Variants in ABLIM1 observed in about 807,000 individuals in gnomAD.
The protein encoded by ABLIM1 is actin-binding LIM protein 1.
ABLIM1 carries 40 observed loss-of-function variants against 107.0 expected under a neutral mutation model. The observed-to-expected ratio is 0.37, with a 90% CI of 0.29 to 0.49. The LOEUF (loss-of-function observed/expected upper bound fraction) is 0.49. Among genes scored for constraint, ABLIM1 ranks in the 20% least tolerant of loss-of-function variants. ABLIM1 has a pLI of 0.97. For synonymous variants in ABLIM1, 357 were observed against 357.3 expected (o/e 1.00, Z 0.01); for missense variants, 857 against 1,008.5 (o/e 0.85, Z 2.04).
At chr10:114,564,351 G>A (rs1201168153) in intron 4 of ABLIM1, among the ~76,000 whole-genome samples, 3 of 151,892 alleles carry the variant, frequency 2.0e-5, no homozygotes, top group East Asian at 1.9e-4. Flanking sequence ...TGCAACCTCC[G>A]CCTCCCGGGT....
intron 1 of ABLIM1, among the ~76,000 whole-genome samples, chr10:114,694,222 C>T (rs1691499819): frequency 6.6e-6 from 1 of 152,196 alleles, no homozygotes; most frequent in African/African-American, 2.4e-5. Context: ...ACAGCCTTCA[C>T]TCATAAGGTA....
Position 114,749,683 on chromosome 10 carries a change from C to T in ABLIM1, c.-213+18378G>A, listed in dbSNP as rs573730109. Among the ~76,000 whole-genome samples the T allele has an allele frequency of 3.1e-4, 47 of 152,240 alleles. 1 individual carries two copies. The South Asian group carries it at 9.7e-3, about 32-fold the overall frequency. ...GTCCTCAAGGTGGTTCACAAGATAG[C>T]ACATGACTGCTCCCCCACGCCCCAC... On this transcript the variant is annotated intron_variant, in intron 1 of 15. Transcript: ENST00000651092.
intron 1 of ABLIM1, among the ~76,000 whole-genome samples, chr10:114,734,489 AAC>A (rs113587278): frequency 0.056 from 8,558 of 152,064 alleles, 368 homozygotes; most frequent in African/African-American, 0.12. Flanking sequence ...ACAATTCTTC[AAC>A]ACAACACCCC....
chr10:114,440,040 C>G (rs1025101379), intron 20 of ABLIM1, 42 bp downstream of exon 20: 1 of 1,613,712 alleles, frequency 6.2e-7, no homozygotes, highest in Non-Finnish European at 8.5e-7. Context: ...CATGGCTGTT[C>G]TATCGGTGTG....
upstream of ABLIM1, among the ~76,000 whole-genome samples, chr10:114,660,285 G>A (rs745645826): frequency 2.6e-5 from 4 of 152,150 alleles, no homozygotes; most frequent in Non-Finnish European, 5.9e-5. Context: ...AATGTAAGAT[G>A]TTCTATCAAT....
intron 6 of ABLIM1, among the ~76,000 whole-genome samples, chr10:114,512,120 G>C (rs1245923135): frequency 1.3e-5 from 2 of 152,218 alleles, no homozygotes; most frequent in African/African-American, 4.8e-5. Context: ...TGACTCAGGT[G>C]AACTTTCCTG....
intron 12 of ABLIM1, among the ~76,000 whole-genome samples, chr10:114,462,862 C>T (rs1280970039): frequency 6.6e-6 from 1 of 152,112 alleles, no homozygotes; most frequent in Non-Finnish European, 1.5e-5. Flanking sequence ...TGACATATTT[C>T]TCCCAATGAG....
chr10:114,620,358 C>A (rs1033162569), intron 1 of ABLIM1, among the ~76,000 whole-genome samples: 1 of 152,118 alleles, frequency 6.6e-6, no homozygotes, highest in Non-Finnish European at 1.5e-5. Flanking sequence ...AAACCATAAT[C>A]GAGAGGCCCT....
intron 8 of ABLIM1, among the ~76,000 whole-genome samples, 179 bp downstream of exon 8, chr10:114,487,779 A>G (rs1293090941): frequency 6.6e-6 from 1 of 152,228 alleles, no homozygotes; most frequent in Non-Finnish European, 1.5e-5. Context: ...TAAAAACCAC[A>G]GTACGTTTAA....
In ABLIM1 at chr10:114,468,084, T is replaced by C. The variant is rs111359366; in HGVS notation, c.1311+97A>G. The C allele has an allele frequency of 7.3e-5, 83 of 1,133,240 alleles. No homozygotes were observed. In the African/African-American group the frequency reaches 1.2e-3, roughly 17 times the overall value. 70.2% of individuals were successfully genotyped at this position (1,133,240 alleles called of 1,614,324 possible). A position where few individuals can be genotyped will look rare whatever the true frequency, so the allele number is the denominator to read the frequency against. The stretch of plus-strand genomic sequence containing the variant: ...CCCACATGCAGTTTTTCTGTTCTTT[T>C]GTATGTTATGTTCTTTTTCAAAAAT... On this transcript the variant is annotated intron_variant, in intron 11 of 22. Coordinates refer to ENST00000533213, the MANE Select transcript of ABLIM1 (RefSeq NM_002313.7).
rs74158037 is a variant in ABLIM1, at chr10:114,701,815, G to T, written c.-213+66246C>A. 4.0e-3 allele frequency among the ~76,000 whole-genome samples: 605 copies of T among 152,262 alleles called. 3 individuals carry two copies. Among genetic ancestry groups the T allele is most frequent in the African/African-American group, 0.014 (577 of 41,556 alleles). ...GAAAATATTCAATATTGTGATAGAG[G>T]TCTATGGGTGACATAGGTGTATCTA... is the stretch of plus-strand genomic sequence containing the variant. On this transcript the variant is annotated intron_variant, in intron 1 of 15. Transcript: ENST00000651092.
intron 6 of ABLIM1, among the ~76,000 whole-genome samples, chr10:114,520,378 C>T (rs901248216): frequency 5.9e-5 from 9 of 152,036 alleles, no homozygotes; most frequent in Non-Finnish European, 1.3e-4. Context: ...AGAACTCTGT[C>T]AGGTTTAAAA....
At position 114,526,520 on chromosome 10, in the gene ABLIM1, A is replaced by G. The variant is rs1457807903; in HGVS notation, c.894+18485T>C. Reference sequence around the variant, plus strand: ...TACATAAATGTATGTCAGGGCAATAAAAGTGACTTCTGTCGCCAGCATCCA... The same window carrying G: ...TACATAAATGTATGTCAGGGCAATAGAAGTGACTTCTGTCGCCAGCATCCA... On this transcript the variant is annotated intron_variant, in intron 6 of 22. Transcript: ENST00000533213. 7.6e-6 allele frequency: 4 copies of G among 526,818 alleles called. No homozygotes were observed. In the East Asian group the frequency reaches 4.5e-4, roughly 59 times the overall value. The allele number at this position is 526,818 out of a possible 1,614,324, so 32.6% of individuals were successfully genotyped here.
chr10:114,438,982 A>G (rs975923193), intron 21 of ABLIM1, among the ~76,000 whole-genome samples, 194 bp downstream of exon 21: 2 of 152,254 alleles, frequency 1.3e-5, no homozygotes, highest in African/African-American at 4.8e-5. Flanking sequence ...AACACACAGC[A>G]TCATGCCCAG....
intron 1 of ABLIM1, among the ~76,000 whole-genome samples, chr10:114,622,648 G>C (rs768038588): frequency 6.6e-6 from 1 of 152,078 alleles, no homozygotes; most frequent in Non-Finnish European, 1.5e-5. Context: ...AACATAGACA[G>C]AATGCAGTTG....
the ABLIM1 span, among the ~76,000 whole-genome samples, chr10:114,800,140 A>C: frequency 6.6e-6 from 1 of 152,194 alleles, no homozygotes; most frequent in Non-Finnish European, 1.5e-5. Context: ...AATGGCTTCT[A>C]GTTTCACTCA....
intron 8 of ABLIM1, among the ~76,000 whole-genome samples, chr10:114,483,278 G>GT (rs1175954030): frequency 2.0e-5 from 3 of 151,924 alleles, no homozygotes; most frequent in African/African-American, 7.2e-5. Flanking sequence ...GTCCATTTTT[G>GT]GTTTTTTTTT....
At chr10:114,518,146 C>T (rs2063184920) in intron 6 of ABLIM1, among the ~76,000 whole-genome samples, 1 of 152,070 alleles carries the variant, frequency 6.6e-6, no homozygotes, top group Non-Finnish European at 1.5e-5. Context: ...AGAATACATG[C>T]CCTCCCACAG....
At chr10:114,522,337 TA>T (rs1322822733) in intron 6 of ABLIM1, among the ~76,000 whole-genome samples, 3 of 152,278 alleles carry the variant, frequency 2.0e-5, no homozygotes, top group Non-Finnish European at 2.9e-5. Context: ...AACTTCGTTA[TA>T]TAAGGGCCAA....
Sources: allele counts gnomAD v4.1 joint callset (sites outside exome capture counted in the v4.1 genomes callset), GRCh38; gene constraint gnomAD v4.1.1; transcripts MANE v1.5; gene names NCBI Gene and HGNC (gene_info 2026-07-23, HGNC 2026-07-21).